Variants in MTCH1 observed in about 807,000 individuals in gnomAD.
MTCH1 encodes the protein mitochondrial carrier 1.
MTCH1 carries 23 observed loss-of-function variants against 49.3 expected under a neutral mutation model. The ratio of observed to expected loss-of-function variants is 0.47; its 90% CI spans 0.34 to 0.66. The LOEUF is 0.66. Ranked by LOEUF, MTCH1 falls within the 30% of genes least tolerant of loss-of-function variation. The pLI is 0.01. For synonymous variants in MTCH1, 229 were observed against 215.2 expected (o/e 1.06, Z -0.56); for missense variants, 397 against 532.1 (o/e 0.75, Z 2.50).
intron 11 of MTCH1, 102 bp from the exon 12 acceptor site, chr6:36,969,076 A>C: frequency 6.6e-7 from 1 of 1,510,942 alleles, no homozygotes; most frequent in Non-Finnish European, 8.8e-7. Context: ...CAGGAGCTCA[A>C]AGACCCAGCT....
intron 1 of MTCH1, among the ~76,000 whole-genome samples, chr6:36,984,396 T>G (rs554539153): frequency 4.6e-5 from 7 of 152,258 alleles, no homozygotes; most frequent in Admixed American, 3.9e-4. Context: ...TGACTGAATC[T>G]CCTCATTCCT....
In MTCH1 at chr6:36,977,239, G is replaced by A. The variant is rs753484837; in HGVS notation, c.661C>T (p.Arg221Cys). 4 of 1,614,044 alleles carry A rather than the reference G, an allele frequency of 2.5e-6. No individual in the cohort carries two copies. Among genetic ancestry groups the A allele is most frequent in the Admixed American group, 1.7e-5 (1 of 60,020 alleles). Residue 221 changes from arginine (R) to cysteine (C), a missense_variant, in exon 6 of 12, where the codon CGC (arginine) becomes TGC (cysteine). This residue lies in a region of MTCH1 where 252 missense variants were observed against 388.3 expected (regional missense o/e 0.65). Coordinates refer to ENST00000373627, the MANE Select transcript of MTCH1 (RefSeq NM_001271641.2). This position sits in a 1 kb window ranked among gnomAD's most constrained non-coding sequence, Gnocchi z 5.4. ...CGTCCCACAAACTGGACCATGCAGC[G>A]CATTGAGATGACTGAGGAAAAAAAA... ...LAHPLHVISM[R>C]CMVQFVGREA...
chr6:36,971,132 A>T (rs182522229), intron 8 of MTCH1, among the ~76,000 whole-genome samples: 3 of 152,210 alleles, frequency 2.0e-5, no homozygotes, highest in Admixed American at 2.0e-4. Context: ...TTCAGACCCC[A>T]ACTCCTCAAA....
At chr6:36,976,126 T>G (rs1372351544) in intron 6 of MTCH1, among the ~76,000 whole-genome samples, 1 of 150,438 alleles carries the variant, frequency 6.6e-6, no homozygotes, top group African/African-American at 2.5e-5. Flanking sequence ...AGAGTAAGAG[T>G]AGGAGGGGGT....
At position 36,981,590 on chromosome 6, in the gene MTCH1, T is replaced by C; in HGVS notation, c.404A>G (p.Tyr135Cys). ...KVLYLPSFFT[Y>C]AKYIVQVDGK... ...TCCTGCTTGGGAGGCACACTCACCG[T>C]AGGTGAAGAAGCTCGGCAGATAGAG... is the stretch of plus-strand genomic sequence containing the variant. Residue 135 changes from tyrosine to cysteine, a missense_variant and splice_region_variant, in exon 2 of 12, where the codon TAC becomes TGC. Tyr to Cys is a radical substitution (Grantham distance 194). Transcript: ENST00000373627. 1 of 1,613,822 alleles carries C rather than the reference T, an allele frequency of 6.2e-7. No individual in the cohort carries two copies.
At chr6:36,981,080 T>C (rs1283024123) in intron 2 of MTCH1, among the ~76,000 whole-genome samples, 1 of 152,122 alleles carries the variant, frequency 6.6e-6, no homozygotes, top group Non-Finnish European at 1.5e-5. Context: ...CTGCACACCA[T>C]TCTGTAACCA....
Position 36,986,169 on chromosome 6 carries a change from C to G in MTCH1, c.5G>C (p.Gly2Ala), listed in dbSNP as rs1049218663. The G allele has an allele frequency of 3.5e-6, 5 of 1,427,968 alleles. No individual in the cohort carries two copies. In the Middle Eastern group the frequency reaches 7.4e-4, roughly 212 times the overall value. 88.5% of individuals were successfully genotyped at this position (1,427,968 alleles called of 1,614,324 possible). A position where few individuals can be genotyped will look rare whatever the true frequency, so the allele number is the denominator to read the frequency against. The part of the protein sequence containing the change: M[G>A]ASDPEVAPWA... ...GGGCGCCACTTCCGGGTCCGAAGCT[C>G]CCATGGCGCCCGGCGGCGAGGTCAC... The change falls in exon 1 of 12, where the codon GGA becomes GCA. Residue 2 changes from glycine (G) to alanine (A), a missense_variant. Gly to Ala is a moderately conservative substitution (Grantham distance 60, BLOSUM62 0). Coordinates refer to ENST00000373627, the MANE Select transcript of MTCH1 (RefSeq NM_001271641.2).
At chr6:36,985,719 G>A in intron 1 of MTCH1, 134 bp downstream of exon 1, 1 of 162,498 alleles carries the variant, frequency 6.2e-6, no homozygotes, top group Non-Finnish European at 1.2e-5. Context: ...CCACCCACTC[G>A]GCCCCCCAAA....
At chr6:36,981,455 G>A (rs914970380) in intron 2 of MTCH1, 133 bp downstream of exon 2, 1 of 759,786 alleles carries the variant, frequency 1.3e-6, no homozygotes, top group African/African-American at 1.8e-5. Flanking sequence ...TACACGCTTA[G>A]ATCCCCTCCT....
chr6:36,981,695 G>A, intron 1 of MTCH1, 23 bp from the exon 2 acceptor site: 4 of 1,602,214 alleles, frequency 2.5e-6, no homozygotes, highest in Non-Finnish European at 3.4e-6. Context: ...CAAAGACAAA[G>A]GGACGCTCAG....
chr6:36,975,141 A>C (rs765710641), intron 7 of MTCH1, among the ~76,000 whole-genome samples: 1 of 152,236 alleles, frequency 6.6e-6, no homozygotes, highest in African/African-American at 2.4e-5. Context: ...AGAACCGCTC[A>C]GCAGGACAAG....
At chr6:36,971,995 A>C (rs1345873933) in intron 8 of MTCH1, among the ~76,000 whole-genome samples, 3 of 152,164 alleles carry the variant, frequency 2.0e-5, no homozygotes, top group Non-Finnish European at 4.4e-5. Context: ...GACCTGCTGA[A>C]AGGTCTATGT....
rs1764299931 is a variant in MTCH1 at position 36,986,025 on chromosome 6, T to TGTGCGCG, written c.142_148dup (p.His50ProfsTer35). On this transcript the variant is annotated frameshift_variant, in exon 1 of 12. Transcript: ENST00000373627. LOFTEE classifies it high-confidence loss of function. ...AGCCGCAGGCCGAGGGTGGCGAGGA[T>TGTGCGCG]GTGCGCGGTGCGCGGGCGGTGGATC... The TGTGCGCG allele has an allele frequency of 6.6e-7, 1 of 1,514,858 alleles. No homozygotes were observed. Among genetic ancestry groups the TGTGCGCG allele is most frequent in the Non-Finnish European group, 8.8e-7 (1 of 1,135,512 alleles). The allele number at this position is 1,514,858 out of a possible 1,614,324, so 93.8% of individuals were successfully genotyped here. A position where few individuals can be genotyped will look rare whatever the true frequency, so the allele number is the denominator to read the frequency against.
rs1381486381 is a variant in MTCH1, at chr6:36,970,024, C to T, written c.1098+15G>A. 5.6e-6 allele frequency: 9 copies of T among 1,613,922 alleles called. No homozygotes were observed. Among genetic ancestry groups the T allele is most frequent in the Admixed American group, 5.0e-5 (3 of 59,986 alleles). ...AAAGAACAGGAAAGGCCTCCGCCGT[C>T]CAGTGCTTGCTCACCTGCACACTCA... is the stretch of plus-strand genomic sequence containing the variant. On this transcript the variant is annotated intron_variant, in intron 11 of 11. Transcript: ENST00000373627.
chr6:36,980,035 G>A (rs1430775860), intron 2 of MTCH1, among the ~76,000 whole-genome samples: 1 of 152,160 alleles, frequency 6.6e-6, no homozygotes, highest in East Asian at 1.9e-4. Context: ...CATGACAGCT[G>A]CAGTACTTTC....
intron 1 of MTCH1, among the ~76,000 whole-genome samples, chr6:36,985,506 C>T (rs1288068552): frequency 6.6e-6 from 1 of 152,074 alleles, no homozygotes; most frequent in Non-Finnish European, 1.5e-5. Flanking sequence ...GCTCCCTTCC[C>T]TATCCCAAGT....
chr6:36,972,248 C>T lies in MTCH1; in HGVS notation c.906+404G>A, dbSNP rs1038950209. ...TATACCTGCCCTGTTCCCTTCACAACTAGGATGCCGTCAGATCAAAGGCCA... is the reference window on the plus strand; with the variant it reads ...TATACCTGCCCTGTTCCCTTCACAATTAGGATGCCGTCAGATCAAAGGCCA... On this transcript the variant is annotated intron_variant, in intron 8 of 11. Coordinates refer to ENST00000373627, the MANE Select transcript of MTCH1 (RefSeq NM_001271641.2). The surrounding 1 kb of genome is among the most constrained non-coding windows in gnomAD (Gnocchi z 4.1). Among the ~76,000 whole-genome samples, 1 of 152,158 alleles carries T rather than the reference C, an allele frequency of 6.6e-6. No individual in the cohort carries two copies. The highest frequency in any genetic ancestry group is 2.4e-5 in the African/African-American group (1 of 41,416).
Position 36,977,990 on chromosome 6 carries a change from G to A in MTCH1, c.591+88C>T. ...TGCATACACAAGGACCCAACTCTTC[G>A]ACTTGTCAATGACCCGCCCAACTTG... On this transcript the variant is annotated intron_variant, in intron 4 of 11. Transcript: ENST00000373627. The surrounding 1 kb of genome is among the most constrained non-coding windows in gnomAD (Gnocchi z 5.4). The A allele has an allele frequency of 9.8e-6, 12 of 1,218,984 alleles. No individual in the cohort carries two copies. Among genetic ancestry groups the A allele is most frequent in the South Asian group, 4.9e-5 (4 of 81,348 alleles). 75.5% of individuals were successfully genotyped at this position (1,218,984 alleles called of 1,614,324 possible). A position where few individuals can be genotyped will look rare whatever the true frequency, so the allele number is the denominator to read the frequency against.
chr6:36,971,523 G>A (rs1231362131), intron 8 of MTCH1, among the ~76,000 whole-genome samples: 1 of 151,778 alleles, frequency 6.6e-6, no homozygotes, highest in East Asian at 1.9e-4. Flanking sequence ...CAGAACTGCA[G>A]GAATGTACCA....
Sources: allele counts gnomAD v4.1 joint callset (sites outside exome capture counted in the v4.1 genomes callset), GRCh38; gene constraint gnomAD v4.1.1; regional missense constraint gnomAD v4.1.1; non-coding constraint Gnocchi (gnomAD v3.1); transcripts MANE v1.5; gene names NCBI Gene and HGNC (gene_info 2026-07-23, HGNC 2026-07-21).